TBC1D32: variants seen among roughly 807,000 people sequenced by gnomAD.
TBC1D32 encodes the protein protein broad-minded.
A neutral mutation model predicts 170.3 loss-of-function variants in TBC1D32; 151 were observed. That is an observed-to-expected ratio of 0.89 (90% CI 0.78 to 1.01). TBC1D32 has a LOEUF of 1.01. TBC1D32 is among the 50% of genes least tolerant of loss of function. TBC1D32 has a pLI of 0.00. For missense variants in TBC1D32, 1,464 were observed against 1,457.1 expected (o/e 1.00, Z -0.08); for synonymous variants, 498 against 488.0 (o/e 1.02, Z -0.27).
intron 8 of TBC1D32, 137 bp from the exon 9 acceptor site, chr6:121,303,898 C>A (rs1482824939): frequency 7.9e-6 from 4 of 509,504 alleles, no homozygotes; most frequent in Non-Finnish European, 1.2e-5. Context: ...AGGATTCATA[C>A]TCAATGTTTC....
chr6:121,174,534 A>G (rs891863400), intron 22 of TBC1D32, among the ~76,000 whole-genome samples: 22 of 152,182 alleles, frequency 1.4e-4, no homozygotes, highest in Non-Finnish European at 2.5e-4. Flanking sequence ...GGCGAGTGAC[A>G]TGGAAGGAGG....
At chr6:121,240,749 G>A (rs948354986) in intron 19 of TBC1D32, among the ~76,000 whole-genome samples, 2 of 151,728 alleles carry the variant, frequency 1.3e-5, no homozygotes, top group South Asian at 2.1e-4. Context: ...TTAGCCAGGC[G>A]TGGTGGTGGC....
At chr6:121,123,098 A>G (rs913947850) in intron 26 of TBC1D32, among the ~76,000 whole-genome samples, 1 of 152,060 alleles carries the variant, frequency 6.6e-6, no homozygotes, top group Non-Finnish European at 1.5e-5. Context: ...TATTATGACA[A>G]CTTCTCTTGT....
At chr6:121,090,556 G>A (rs1477787050) in intron 31 of TBC1D32, among the ~76,000 whole-genome samples, 1 of 151,938 alleles carries the variant, frequency 6.6e-6, no homozygotes, top group African/African-American at 2.4e-5. Context: ...AACTTTTATT[G>A]ACCAAATAGC....
intron 22 of TBC1D32, among the ~76,000 whole-genome samples, chr6:121,197,492 A>G (rs1183991293): frequency 6.6e-6 from 1 of 152,218 alleles, no homozygotes; most frequent in Non-Finnish European, 1.5e-5. Context: ...TGTTAAAAAC[A>G]TGTTTGTGAT....
At chr6:121,182,983 TATC>T (rs1367455033) in intron 22 of TBC1D32, among the ~76,000 whole-genome samples, 2 of 151,966 alleles carry the variant, frequency 1.3e-5, no homozygotes, top group Non-Finnish European at 2.9e-5. Context: ...TATATAAAGA[TATC>T]AACAGTATAT....
intron 15 of TBC1D32, among the ~76,000 whole-genome samples, chr6:121,272,937 G>A (rs1488322606): frequency 6.6e-6 from 1 of 152,044 alleles, no homozygotes; most frequent in Non-Finnish European, 1.5e-5. Context: ...CCATAAAAAC[G>A]GATGAGTTCA....
intron 26 of TBC1D32, among the ~76,000 whole-genome samples, chr6:121,124,269 C>T (rs1270256757): frequency 1.3e-5 from 2 of 152,082 alleles, no homozygotes; most frequent in African/African-American, 4.8e-5. Flanking sequence ...TATTCTCCTT[C>T]ATTTCTTAAG....
intron 20 of TBC1D32, among the ~76,000 whole-genome samples, chr6:121,238,242 T>C (rs1796550653): frequency 6.6e-6 from 1 of 152,140 alleles, no homozygotes; most frequent in East Asian, 1.9e-4. Context: ...GCACAAATTT[T>C]CTACCTTAAG....
intron 1 of TBC1D32, among the ~76,000 whole-genome samples, chr6:121,323,999 C>T (rs1420309506): frequency 1.3e-5 from 2 of 152,122 alleles, no homozygotes; most frequent in African/African-American, 4.8e-5. Flanking sequence ...CTGTGCTAAG[C>T]ACTTTATTGA....
chr6:121,220,388 C>G (rs992434708), intron 21 of TBC1D32, among the ~76,000 whole-genome samples: 61 of 152,262 alleles, frequency 4.0e-4, no homozygotes, highest in African/African-American at 1.3e-3. Context: ...CCACAGCATT[C>G]CCTTAAGCCA....
At chr6:121,101,377 AG>A (rs749561181) in intron 30 of TBC1D32, among the ~76,000 whole-genome samples, 4 of 152,174 alleles carry the variant, frequency 2.6e-5, no homozygotes, top group Non-Finnish European at 5.9e-5. Context: ...CAAATCAAAA[AG>A]TTGATCCACC....
chr6:121,100,691 G>C (rs1777939514), intron 30 of TBC1D32, among the ~76,000 whole-genome samples: 1 of 152,090 alleles, frequency 6.6e-6, no homozygotes, highest in South Asian at 2.1e-4. Flanking sequence ...AGAAGCAAGA[G>C]CAAACACATT....
chr6:121,106,007 C>A lies in TBC1D32; in HGVS notation c.3465+16G>T, dbSNP rs1443462116. On this transcript the variant is annotated intron_variant, in intron 30 of 31. Coordinates refer to ENST00000398212, the MANE Select transcript of TBC1D32 (RefSeq NM_152730.6). ...AGATAAAGGAGTTGGAGAAATGCTACTCCCTTATGGATTACCTGTGATGGT... is the reference window on the plus strand; with the variant it reads ...AGATAAAGGAGTTGGAGAAATGCTAATCCCTTATGGATTACCTGTGATGGT... 1 of 1,582,686 alleles carries A rather than the reference C, an allele frequency of 6.3e-7. No homozygotes were observed. The highest frequency in any genetic ancestry group is 8.6e-7 in the Non-Finnish European group (1 of 1,160,562).
intron 2 of TBC1D32, among the ~76,000 whole-genome samples, chr6:121,320,812 C>T (rs1385494079): frequency 6.6e-6 from 1 of 152,106 alleles, no homozygotes; most frequent in Admixed American, 6.6e-5. Flanking sequence ...CTTTAAAATA[C>T]AGTCATTAAT....
At chr6:121,152,115 G>C (rs1048771825) in intron 24 of TBC1D32, among the ~76,000 whole-genome samples, 1 of 152,106 alleles carries the variant, frequency 6.6e-6, no homozygotes, top group Non-Finnish European at 1.5e-5. Flanking sequence ...TTCACATTTT[G>C]GTTTGTTTTT....
chr6:121,309,168 G>A (rs1807800628), intron 4 of TBC1D32, among the ~76,000 whole-genome samples: 1 of 152,100 alleles, frequency 6.6e-6, no homozygotes, highest in Non-Finnish European at 1.5e-5. Flanking sequence ...GGCAGCAAGG[G>A]AAATATTGAG....
chr6:121,085,121 TGA>T (rs888446699), intron 31 of TBC1D32, among the ~76,000 whole-genome samples: 1 of 150,974 alleles, frequency 6.6e-6, no homozygotes, highest in African/African-American at 2.4e-5. Context: ...AGAAAGCTCT[TGA>T]GAGAAGGAGG....
In TBC1D32 at chr6:121,188,947, A is replaced by G. The variant is rs185482591; in HGVS notation, c.2570+16128T>C. On this transcript the variant is annotated intron_variant, in intron 22 of 31. Transcript: ENST00000398212. ...GGCCTTTGCTCCAATAGATAAAACA[A>G]AAACAAACATATTTGTTTTCTAAGC... 2.0e-5 allele frequency among the ~76,000 whole-genome samples: 3 copies of G among 152,258 alleles called. 1 individual carries two copies. The highest frequency in any genetic ancestry group is 7.2e-5 in the African/African-American group (3 of 41,564).
Sources: gnomAD v4.1 joint callset for allele counts (sites outside exome capture counted in the v4.1 genomes callset) on GRCh38, gnomAD v4.1.1 for gene constraint, MANE v1.5 for transcripts, NCBI Gene and HGNC (gene_info 2026-07-23, HGNC 2026-07-21) for gene names.